Variants in CMIP observed in about 807,000 individuals in gnomAD.
The protein encoded by CMIP is C-Maf-inducing protein.
In CMIP, 13 loss-of-function variants were observed where a neutral mutation model predicts 97.3. The observed-to-expected ratio is 0.13, with a 90% CI of 0.09 to 0.21. The LOEUF is 0.21. Among genes scored for constraint, CMIP ranks in the 10% least tolerant of loss-of-function variants. CMIP has a pLI of 1.00. For synonymous variants in CMIP, 538 were observed against 436.3 expected (o/e 1.23, Z -2.91); for missense variants, 847 against 1,024.9 (o/e 0.83, Z 2.37).
chr16:81,588,278 G>C (rs986498643), intron 1 of CMIP, among the ~76,000 whole-genome samples: 4 of 152,204 alleles, frequency 2.6e-5, no homozygotes, highest in African/African-American at 9.7e-5. Flanking sequence ...AAGTACCCAA[G>C]TCTGTCTTTC....
chr16:81,633,325 G>A, intron 3 of CMIP, among the ~76,000 whole-genome samples: 1 of 152,342 alleles, frequency 6.6e-6, no homozygotes, highest in East Asian at 1.9e-4. Context: ...GTCCAGCCTG[G>A]AAGAGGGAGG....
chr16:81,486,710 C>T (rs763879182), intron 1 of CMIP, among the ~76,000 whole-genome samples: 1 of 152,258 alleles, frequency 6.6e-6, no homozygotes, highest in African/African-American at 2.4e-5. Flanking sequence ...CTTGAAGGCT[C>T]TTAACTCCCT....
intron 1 of CMIP, among the ~76,000 whole-genome samples, chr16:81,538,214 GTCCGTCTCAT>G (rs1400217482): frequency 1.3e-5 from 2 of 152,216 alleles, no homozygotes; most frequent in Non-Finnish European, 2.9e-5. Context: ...TAAGGCCTGA[GTCCGTCTCAT>G]TCTCAGAGCG....
chr16:81,681,979 C>T lies in CMIP; in HGVS notation c.1388+3351C>T, dbSNP rs1026566592. Among the ~76,000 whole-genome samples the T allele has an allele frequency of 6.6e-5, 10 of 152,014 alleles. No individual in the cohort carries two copies. In the East Asian group the frequency reaches 1.2e-3, roughly 18 times the overall value. ...ATCCCAGCACTTTAGGAGGCCGAGG[C>T]GGGGGAATTACTTGAGGCCTCAAGA... is the stretch of plus-strand genomic sequence containing the variant. On this transcript the variant is annotated intron_variant, in intron 10 of 20. Transcript: ENST00000537098.
intron 11 of CMIP, among the ~76,000 whole-genome samples, chr16:81,692,660 C>T (rs1906228775): frequency 6.6e-6 from 1 of 152,210 alleles, no homozygotes; most frequent in South Asian, 2.1e-4. Context: ...GAGAAATCCA[C>T]CTCCTAAGAG....
chr16:81,553,346 A>G (rs530272834), intron 1 of CMIP, among the ~76,000 whole-genome samples: 37 of 152,192 alleles, frequency 2.4e-4, no homozygotes, highest in Non-Finnish European at 8.8e-5. Flanking sequence ...AATAGGACCC[A>G]GGACCGTATT....
chr16:81,612,136 G>A (rs189317444), intron 2 of CMIP, among the ~76,000 whole-genome samples: 324 of 152,342 alleles, frequency 2.1e-3, no homozygotes, highest in Non-Finnish European at 3.6e-3. Context: ...CGTCCTGAAG[G>A]TGCTGTCACT....
intron 3 of CMIP, among the ~76,000 whole-genome samples, chr16:81,625,808 C>G (rs932325583): frequency 1.3e-5 from 2 of 152,160 alleles, no homozygotes; most frequent in African/African-American, 2.4e-5. Flanking sequence ...TCCACCTTCT[C>G]GCTTCCTGAG....
At chr16:81,468,961 A>C (rs962638659) in intron 1 of CMIP, among the ~76,000 whole-genome samples, 1 of 152,232 alleles carries the variant, frequency 6.6e-6, no homozygotes, top group African/African-American at 2.4e-5. Flanking sequence ...TTGGACTTCA[A>C]CATGGAAGCC....
At chr16:81,558,845 C>G (rs1415787388) in intron 1 of CMIP, among the ~76,000 whole-genome samples, 1 of 152,240 alleles carries the variant, frequency 6.6e-6, no homozygotes, top group African/African-American at 2.4e-5. Flanking sequence ...CACTGTTCCT[C>G]CCGCCTGCAG....
At chr16:81,690,233 A>G (rs1246919622) in intron 10 of CMIP, among the ~76,000 whole-genome samples, 1 of 152,108 alleles carries the variant, frequency 6.6e-6, no homozygotes, top group Non-Finnish European at 1.5e-5. Flanking sequence ...TGAATCTATA[A>G]ATTACCTTGG....
At chr16:81,673,619 TGA>T (rs2092702641) in intron 9 of CMIP, among the ~76,000 whole-genome samples, 1 of 152,196 alleles carries the variant, frequency 6.6e-6, no homozygotes, top group South Asian at 2.1e-4. Context: ...CGTAACACAC[TGA>T]GAGTTGCTCT....
At chr16:81,481,353 G>C (rs183717636) in intron 1 of CMIP, among the ~76,000 whole-genome samples, 76 of 152,146 alleles carry the variant, frequency 5.0e-4, no homozygotes, top group African/African-American at 1.8e-3. Flanking sequence ...TGAGGGCCTT[G>C]AGCGACTGTG....
intron 4 of CMIP, among the ~76,000 whole-genome samples, chr16:81,653,209 A>G (rs1473517239): frequency 3.3e-5 from 5 of 152,140 alleles, no homozygotes; most frequent in Admixed American, 2.6e-4. Context: ...CAGCCACCAG[A>G]CTGATGCTTC....
chr16:81,493,882 C>T (rs1012721080), intron 1 of CMIP, among the ~76,000 whole-genome samples: 2 of 152,208 alleles, frequency 1.3e-5, no homozygotes, highest in Non-Finnish European at 2.9e-5. Context: ...CTGTGACTCA[C>T]GCGGCCTGTC....
chr16:81,607,229 T>C (rs1471060697), intron 1 of CMIP, among the ~76,000 whole-genome samples: 2 of 152,248 alleles, frequency 1.3e-5, no homozygotes, highest in African/African-American at 4.8e-5. Context: ...GGCTTATTGC[T>C]GGTGAGGGAT....
chr16:81,546,994 C>T (rs2090559039), intron 1 of CMIP, among the ~76,000 whole-genome samples: 1 of 152,158 alleles, frequency 6.6e-6, no homozygotes, highest in Non-Finnish European at 1.5e-5. Flanking sequence ...GGCCACTCCC[C>T]CGGGAGTGCA....
intron 1 of CMIP, among the ~76,000 whole-genome samples, chr16:81,501,655 A>G (rs12448277): frequency 7.0e-6 from 1 of 143,298 alleles, no homozygotes; most frequent in East Asian, 2.0e-4. Flanking sequence ...TCTGTCGCCC[A>G]GGCTGGAGTG....
chr16:81,690,336 A>G (rs931181192), intron 10 of CMIP, among the ~76,000 whole-genome samples: 3 of 152,126 alleles, frequency 2.0e-5, no homozygotes, highest in African/African-American at 7.2e-5. Flanking sequence ...TTCATTGAGC[A>G]GTGGTTTGTA....
Sources: allele counts gnomAD v4.1 joint callset (sites outside exome capture counted in the v4.1 genomes callset), GRCh38; gene constraint gnomAD v4.1.1; transcripts MANE v1.5; gene names NCBI Gene and HGNC (gene_info 2026-07-23, HGNC 2026-07-21).